Variants in IGFL2 observed in about 807,000 individuals in gnomAD.
The protein encoded by IGFL2 is IGF like family member 2, also known as insulin growth factor-like family member 2.
IGFL2 carries 7 observed loss-of-function variants against 13.9 expected under a neutral mutation model. The observed-to-expected ratio is 0.51, with a 90% CI of 0.29 to 0.95. The LOEUF (loss-of-function observed/expected upper bound fraction) is 0.95. Among genes scored for constraint, IGFL2 ranks in the 40% least tolerant of loss-of-function variants. The pLI, the probability that IGFL2 is intolerant of heterozygous loss-of-function variation, is 0.08. For synonymous variants in IGFL2, 55 were observed against 55.8 expected (o/e 0.99, Z 0.07); for missense variants, 138 against 147.8 (o/e 0.93, Z 0.34).
At chr19:46,079,468 C>T in the IGFL2 span, among the ~76,000 whole-genome samples, 565 of 152,246 alleles carry the variant, frequency 3.7e-3, 6 homozygotes, top group African/African-American at 0.013. Flanking sequence ...ATCCTCCTCG[C>T]GGATTGGAGC....
the IGFL2 span, chr19:46,124,541 A>T: frequency 7.5e-7 from 1 of 1,324,670 alleles, no homozygotes; most frequent in South Asian, 1.2e-5. Context: ...AATGTTAGAG[A>T]TAAAGAGGAA....
chr19:46,087,336 C>T, the IGFL2 span, among the ~76,000 whole-genome samples: 2 of 152,142 alleles, frequency 1.3e-5, no homozygotes, highest in African/African-American at 4.8e-5. Flanking sequence ...GTGGTAGTGG[C>T]AGGCTGGTTG....
chr19:46,102,138 C>G, the IGFL2 span, among the ~76,000 whole-genome samples: 15 of 152,162 alleles, frequency 9.9e-5, 1 homozygote, highest in Admixed American at 9.8e-4. Context: ...TGAACCCCCT[C>G]CAGTGTGTGA....
the IGFL2 span, among the ~76,000 whole-genome samples, chr19:46,110,813 A>T: frequency 6.6e-6 from 1 of 152,332 alleles, no homozygotes; most frequent in South Asian, 2.1e-4. Flanking sequence ...GATACGATAC[A>T]TCATGATCTT....
the IGFL2 span, among the ~76,000 whole-genome samples, chr19:46,179,002 AGCAGAGAGAAGAG>A: frequency 3.9e-5 from 6 of 152,204 alleles, no homozygotes; most frequent in African/African-American, 1.4e-4. Context: ...CAGTGAGTAG[AGCAGAGAGAAGAG>A]GCAGAGAGAG....
chr19:46,080,601 A>G, the IGFL2 span, among the ~76,000 whole-genome samples: 1 of 152,190 alleles, frequency 6.6e-6, no homozygotes, highest in Non-Finnish European at 1.5e-5. Flanking sequence ...TAACTTTCCA[A>G]AAAGAGGTTG....
the IGFL2 span, among the ~76,000 whole-genome samples, chr19:46,078,785 G>C: frequency 1.3e-5 from 2 of 152,400 alleles, no homozygotes; most frequent in South Asian, 4.1e-4. Flanking sequence ...AGAAAATGGA[G>C]AGCGGCGCCC....
chr19:46,139,508 A>C (rs1258841736), upstream of IGFL2, among the ~76,000 whole-genome samples: 1 of 152,146 alleles, frequency 6.6e-6, no homozygotes, highest in African/African-American at 2.4e-5. Context: ...AACACTAGCA[A>C]AAGAAAATTA....
At chr19:46,203,661 G>A in the IGFL2 span, 1 of 152,282 alleles carries the variant, frequency 6.6e-6, no homozygotes. Context: ...GCACTGGTGA[G>A]GCCCAGTCCT....
At chr19:46,137,331 G>T in the IGFL2 span, 1 of 1,094,408 alleles carries the variant, frequency 9.1e-7, no homozygotes, top group Non-Finnish European at 1.4e-6. Context: ...TATCTGAGAA[G>T]CTTGTGGCGG....
chr19:46,194,850 ATATTTTTTTTTTTTTTTT>A, the IGFL2 span, among the ~76,000 whole-genome samples: 5 of 35,622 alleles, frequency 1.4e-4, no homozygotes, highest in East Asian at 2.1e-3. Flanking sequence ...ATATATATAT[ATATTTTTTTTTTTTTTTT>A]TTTTTTTTTT....
At chr19:46,125,232 G>T in the IGFL2 span, among the ~76,000 whole-genome samples, 11 of 152,234 alleles carry the variant, frequency 7.2e-5, no homozygotes, top group Non-Finnish European at 1.3e-4. Flanking sequence ...CAATAAAGGG[G>T]GTAGGGGTGG....
At chr19:46,174,377 C>G in the IGFL2 span, among the ~76,000 whole-genome samples, 1 of 152,172 alleles carries the variant, frequency 6.6e-6, no homozygotes. Flanking sequence ...ATCCTGAGAT[C>G]TGACACGAGA....
chr19:46,155,823 T>C (rs371435683), intron 1 of IGFL2, among the ~76,000 whole-genome samples: 8 of 152,338 alleles, frequency 5.3e-5, no homozygotes, highest in South Asian at 2.1e-4. Context: ...CTGAACTCTG[T>C]TTCATTCCAT....
chr19:46,187,819 TGTGCTAC>T, the IGFL2 span, among the ~76,000 whole-genome samples: 6 of 143,800 alleles, frequency 4.2e-5, no homozygotes, highest in South Asian at 2.2e-4. Flanking sequence ...GCTGCTGGTG[TGTGCTAC>T]GTGCTACCTG....
At chr19:46,176,200 AAAG>A in the IGFL2 span, among the ~76,000 whole-genome samples, 4,128 of 151,500 alleles carry the variant, frequency 0.027, 186 homozygotes, top group African/African-American at 0.093. Context: ...AAAAAAAAGA[AAAG>A]AAAACTGGAG....
chr19:46,200,473 C>CCTTTTCTATTCTTTTCTTTT, the IGFL2 span, among the ~76,000 whole-genome samples: 4 of 134,174 alleles, frequency 3.0e-5, no homozygotes, highest in Non-Finnish European at 6.3e-5. Flanking sequence ...CACACCTGGC[C>CCTTTTCTATTCTTTTCTTTT]CTTTTCTTTT....
the IGFL2 span, among the ~76,000 whole-genome samples, chr19:46,179,877 C>G: frequency 1.3e-5 from 2 of 152,038 alleles, no homozygotes; most frequent in Non-Finnish European, 2.9e-5. Flanking sequence ...GATTGTGCCA[C>G]TGCACTCCAG....
At chr19:46,200,508 T>TC in the IGFL2 span, among the ~76,000 whole-genome samples, 1 of 49,688 alleles carries the variant, frequency 2.0e-5, no homozygotes, top group African/African-American at 6.3e-5. Context: ...TCTTTTCTTT[T>TC]CTCTTTTCTT....
Sources: gnomAD v4.1 joint callset for allele counts (sites outside exome capture counted in the v4.1 genomes callset) on GRCh38, gnomAD v4.1.1 for gene constraint, MANE v1.5 for transcripts, NCBI Gene and HGNC (gene_info 2026-07-23, HGNC 2026-07-21) for gene names.